MTUS1: variants seen among roughly 807,000 people sequenced by gnomAD.
MTUS1 encodes microtubule associated scaffold protein 1.
In MTUS1, 109 loss-of-function variants were observed where a neutral mutation model predicts 120.8. The observed-to-expected ratio is 0.90, with a 90% CI of 0.77 to 1.06. The LOEUF (loss-of-function observed/expected upper bound fraction) is 1.06. Among genes scored for constraint, MTUS1 ranks in the 50% least tolerant of loss-of-function variants. The pLI, the probability that MTUS1 is intolerant of heterozygous loss-of-function variation, is 0.00. For missense variants in MTUS1, 2,210 were observed against 1,486.3 expected, an observed-to-expected ratio of 1.49 and a Z score of -8.01; for synonymous variants, 737 against 550.5, an observed-to-expected ratio of 1.34 and a Z score of -4.74.
At chr8:17,689,136 G>A (rs540899490) in intron 6 of MTUS1, among the ~76,000 whole-genome samples, 17 of 152,046 alleles carry the variant, frequency 1.1e-4, no homozygotes, top group Non-Finnish European at 1.9e-4. Context: ...ACTTGAATCC[G>A]GGAGGTGGAA....
intron 3 of MTUS1, among the ~76,000 whole-genome samples, chr8:17,735,386 T>C (rs1435515352): frequency 6.6e-6 from 1 of 152,172 alleles, no homozygotes; most frequent in Non-Finnish European, 1.5e-5. Flanking sequence ...ATTTTAAACA[T>C]GCATTCTACT....
intron 1 of MTUS1, among the ~76,000 whole-genome samples, chr8:17,786,247 G>C (rs879473780): frequency 4.0e-4 from 61 of 152,176 alleles, no homozygotes; most frequent in African/African-American, 1.4e-3. Context: ...CACGAGCCTA[G>C]GACAGAGGCA....
intron 1 of MTUS1, among the ~76,000 whole-genome samples, chr8:17,787,083 C>T (rs1038425627): frequency 6.6e-6 from 1 of 152,162 alleles, no homozygotes; most frequent in Non-Finnish European, 1.5e-5. Context: ...TGAGAGAAAG[C>T]GCTGTGTAAA....
chr8:17,765,392 G>A (rs528771945), intron 1 of MTUS1, among the ~76,000 whole-genome samples: 25 of 152,196 alleles, frequency 1.6e-4, no homozygotes, highest in African/African-American at 5.8e-4. Flanking sequence ...ACTTTGGGAG[G>A]CCGAGGCAGG....
intron 6 of MTUS1, among the ~76,000 whole-genome samples, chr8:17,703,654 G>C: frequency 6.7e-6 from 1 of 149,652 alleles, no homozygotes; most frequent in Non-Finnish European, 1.5e-5. Flanking sequence ...AGGACTGAGA[G>C]AGATACGCCC....
chr8:17,727,728 A>C (rs2046313767), intron 3 of MTUS1, among the ~76,000 whole-genome samples: 1 of 152,248 alleles, frequency 6.6e-6, no homozygotes, highest in South Asian at 2.1e-4. Context: ...CCAGATGAGA[A>C]AGATAAAGAT....
intron 1 of MTUS1, among the ~76,000 whole-genome samples, chr8:17,790,760 G>A (rs1247754327): frequency 1.3e-5 from 2 of 152,222 alleles, no homozygotes; most frequent in African/African-American, 4.8e-5. Context: ...GCCAAGGCAG[G>A]TGGATCACTT....
chr8:17,684,243 T>C (rs1815249311), intron 7 of MTUS1, 85 bp downstream of exon 7: 2 of 950,582 alleles, frequency 2.1e-6, no homozygotes, highest in Non-Finnish European at 1.7e-6. Context: ...TACCTAGATA[T>C]TCCCAAGGCC....
At chr8:17,768,244 TTC>T (rs2049718818) in intron 1 of MTUS1, among the ~76,000 whole-genome samples, 1 of 152,224 alleles carries the variant, frequency 6.6e-6, no homozygotes, top group South Asian at 2.1e-4. Context: ...ATGTTCTCTC[TTC>T]TCTTTCTTCA....
At chr8:17,752,499 T>TACACC (rs1218256428) in intron 2 of MTUS1, among the ~76,000 whole-genome samples, 419 of 152,354 alleles carry the variant, frequency 2.8e-3, no homozygotes, top group African/African-American at 9.6e-3. Flanking sequence ...ATCACTGTGG[T>TACACC]GTACCCTTCT....
At chr8:17,671,426 G>A (rs17125056) in intron 8 of MTUS1, among the ~76,000 whole-genome samples, 6,341 of 152,244 alleles carry the variant, frequency 0.042, 442 homozygotes, top group African/African-American at 0.14. Context: ...AAGAAAACAC[G>A]AGACAGTAAA....
chr8:17,742,311 T>TTTTTTA (rs1554516969), intron 3 of MTUS1, among the ~76,000 whole-genome samples: 2 of 139,540 alleles, frequency 1.4e-5, no homozygotes, highest in East Asian at 4.8e-4. Context: ...TTTTTTTTTT[T>TTTTTTA]AGAGATAGTG....
At chr8:17,654,318 T>C in intron 10 of MTUS1, 1 of 522,384 alleles carries the variant, frequency 1.9e-6, no homozygotes, top group South Asian at 2.6e-5. Context: ...CAAAATGGCC[T>C]TTACAGTCTT....
chr8:17,714,769 C>A (rs775685035), intron 5 of MTUS1, among the ~76,000 whole-genome samples: 17 of 151,800 alleles, frequency 1.1e-4, no homozygotes, highest in Non-Finnish European at 2.1e-4. Context: ...AAGGAAGACT[C>A]TTTGTTTCTG....
intron 3 of MTUS1, chr8:17,724,083 C>T: frequency 1.8e-6 from 1 of 566,176 alleles, no homozygotes; most frequent in South Asian, 1.7e-5. Context: ...AACCCTGTCT[C>T]CTAAAGTAAT....
chr8:17,719,177 A>C (rs1000112520), intron 4 of MTUS1, among the ~76,000 whole-genome samples: 2 of 151,766 alleles, frequency 1.3e-5, no homozygotes, highest in African/African-American at 4.8e-5. Flanking sequence ...CTCAAAAAAA[A>C]AGAAAAGGGC....
At chr8:17,717,014 A>G (rs775234851) in intron 4 of MTUS1, among the ~76,000 whole-genome samples, 74 of 152,204 alleles carry the variant, frequency 4.9e-4, no homozygotes, top group Non-Finnish European at 6.9e-4. Context: ...AATGCATTAT[A>G]AATGTGAAGA....
At chr8:17,748,118 G>C (rs763402284) in intron 2 of MTUS1, 1 of 152,164 alleles carries the variant, frequency 6.6e-6, no homozygotes, top group Non-Finnish European at 1.5e-5. Flanking sequence ...GGACAGCTGA[G>C]TCTACTGTCA....
At chr8:17,684,990 T>A (rs1325639863) in intron 6 of MTUS1, among the ~76,000 whole-genome samples, 2 of 152,212 alleles carry the variant, frequency 1.3e-5, no homozygotes, top group South Asian at 4.1e-4. Flanking sequence ...TTTCTACAAA[T>A]CTTTTACCTT....
Sources: gnomAD v4.1 joint callset for allele counts (sites outside exome capture counted in the v4.1 genomes callset) on GRCh38, gnomAD v4.1.1 for gene constraint, MANE v1.5 for transcripts, NCBI Gene and HGNC (gene_info 2026-07-23, HGNC 2026-07-21) for gene names.